The following NEBL variants were observed in gnomAD, a reference collection of about 807,000 sequenced individuals.
The protein encoded by NEBL is LIM and SH3 protein 2.
A neutral mutation model predicts 140.2 loss-of-function variants in NEBL; 122 were observed. The observed-to-expected ratio is 0.87, with a 90% CI of 0.75 to 1.01. NEBL has a LOEUF of 1.01. Ranked by LOEUF, NEBL falls within the 50% of genes least tolerant of loss-of-function variation. NEBL has a pLI of 0.00. For synonymous variants in NEBL, 436 were observed against 398.9 expected (o/e 1.09, Z -1.11); for missense variants, 1,365 against 1,231.3 (o/e 1.11, Z -1.62).
At chr10:20,854,223 T>A (rs1471535644) in intron 9 of NEBL, among the ~76,000 whole-genome samples, 1 of 152,022 alleles carries the variant, frequency 6.6e-6, no homozygotes, top group African/African-American at 2.4e-5. Flanking sequence ...CCAGTAAAAA[T>A]GGCAATAGAG....
At position 20,825,395 on chromosome 10, in the gene NEBL, G is replaced by A. The variant is rs117005614; in HGVS notation, c.1869+1052C>T. ...GTAACGGAAAGGCACAGTAGCTTAT[G>A]CCTGTAATCCCAGCACTTTGGGAGG... On this transcript the variant is annotated intron_variant, in intron 18 of 27. Transcript: ENST00000377122. Among the ~76,000 whole-genome samples the A allele has an allele frequency of 3.3e-3, 504 of 152,222 alleles. 17 individuals are homozygous for A. The East Asian group carries it at 0.085, about 26-fold the overall frequency.
chr10:21,043,175 A>C (rs1413968118), intron 2 of NEBL, among the ~76,000 whole-genome samples: 2 of 152,234 alleles, frequency 1.3e-5, no homozygotes, highest in Non-Finnish European at 2.9e-5. Context: ...ATATCCCAGC[A>C]ACAGCCTTTC....
chr10:21,015,443 C>T (rs539942516), intron 3 of NEBL, among the ~76,000 whole-genome samples: 22 of 152,004 alleles, frequency 1.4e-4, no homozygotes, highest in Admixed American at 1.3e-3. Flanking sequence ...CTACACAGCC[C>T]GAAAAAGGGA....
intron 2 of NEBL, among the ~76,000 whole-genome samples, chr10:21,074,183 C>T (rs1835952024): frequency 6.6e-6 from 1 of 152,226 alleles, no homozygotes; most frequent in Non-Finnish European, 1.5e-5. Flanking sequence ...CAGGACCTCT[C>T]CCCACCCTAG....
At chr10:20,843,850 T>TATTAAAA (rs1383251500) in intron 12 of NEBL, among the ~76,000 whole-genome samples, 5 of 152,118 alleles carry the variant, frequency 3.3e-5, no homozygotes, top group Admixed American at 6.6e-5. Context: ...AATCCTCTCT[T>TATTAAAA]CTAGCTTATT....
chr10:20,819,175 C>A, intron 20 of NEBL: 1 of 855,126 alleles, frequency 1.2e-6, no homozygotes, highest in Non-Finnish European at 1.6e-6. Flanking sequence ...GGCATTAAGC[C>A]CAGTACTCAA....
At chr10:21,047,485 AT>A (rs1834573660) in intron 2 of NEBL, among the ~76,000 whole-genome samples, 1 of 152,078 alleles carries the variant, frequency 6.6e-6, no homozygotes, top group East Asian at 1.9e-4. Context: ...TCCTAAACAC[AT>A]TTAATAATAG....
intron 2 of NEBL, chr10:21,112,680 A>G (rs186676309): frequency 4.6e-5 from 7 of 153,074 alleles, no homozygotes; most frequent in Non-Finnish European, 7.3e-5. Flanking sequence ...AACATGGCAC[A>G]TGTATACCTA....
intron 3 of NEBL, among the ~76,000 whole-genome samples, chr10:21,243,891 A>G (rs1564548879): frequency 4.0e-5 from 6 of 148,462 alleles, no homozygotes; most frequent in Admixed American, 3.4e-4. Flanking sequence ...AGAAAGAGAG[A>G]GAGAGAGGAA....
At chr10:21,080,270 T>A (rs1324288965) in intron 2 of NEBL, among the ~76,000 whole-genome samples, 1 of 152,260 alleles carries the variant, frequency 6.6e-6, no homozygotes, top group African/African-American at 2.4e-5. Context: ...ATATCCATAT[T>A]CTGTGATCTT....
intron 2 of NEBL, among the ~76,000 whole-genome samples, chr10:21,035,089 G>T (rs1316061682): frequency 6.6e-6 from 1 of 151,866 alleles, no homozygotes; most frequent in Non-Finnish European, 1.5e-5. Context: ...ACCTCCACCT[G>T]CCAGGCCCAA....
intron 2 of NEBL, among the ~76,000 whole-genome samples, chr10:21,165,074 T>A (rs1219828239): frequency 6.6e-6 from 1 of 152,194 alleles, no homozygotes; most frequent in Non-Finnish European, 1.5e-5. Context: ...CATTCACTAT[T>A]ATAAGTAAAA....
intron 4 of NEBL, among the ~76,000 whole-genome samples, chr10:20,916,977 T>C (rs1379076491): frequency 2.0e-5 from 3 of 152,210 alleles, no homozygotes; most frequent in African/African-American, 7.2e-5. Context: ...ATATAATTTA[T>C]AGTAAATATA....
intron 4 of NEBL, among the ~76,000 whole-genome samples, chr10:20,933,335 C>T (rs959189857): frequency 8.5e-5 from 13 of 152,314 alleles, no homozygotes; most frequent in African/African-American, 2.9e-4. Flanking sequence ...ACAAATATGA[C>T]TCCAAAGTTA....
intron 2 of NEBL, among the ~76,000 whole-genome samples, chr10:21,164,833 A>T (rs1337352776): frequency 6.6e-6 from 1 of 152,166 alleles, no homozygotes; most frequent in African/African-American, 2.4e-5. Context: ...TCCAATTATA[A>T]CCCAAAAAGA....
intron 3 of NEBL, among the ~76,000 whole-genome samples, chr10:21,233,024 A>G (rs562606428): frequency 4.6e-5 from 7 of 152,316 alleles, no homozygotes; most frequent in Admixed American, 2.0e-4. Context: ...AAGGAAAAAC[A>G]GGAATCAAGG....
intron 2 of NEBL, among the ~76,000 whole-genome samples, chr10:21,151,246 G>A (rs1840123622): frequency 6.6e-6 from 1 of 152,138 alleles, no homozygotes; most frequent in South Asian, 2.1e-4. Context: ...CCCTGCTTCA[G>A]TCAACAGTCA....
intron 2 of NEBL, among the ~76,000 whole-genome samples, chr10:21,070,212 T>A (rs1191317062): frequency 6.6e-6 from 1 of 152,208 alleles, no homozygotes; most frequent in South Asian, 2.1e-4. Flanking sequence ...GGATTGTTAA[T>A]GCCCTTGAGT....
intron 4 of NEBL, among the ~76,000 whole-genome samples, chr10:20,904,971 C>G (rs1848028408): frequency 6.6e-6 from 1 of 152,164 alleles, no homozygotes; most frequent in South Asian, 2.1e-4. Context: ...TATGAAAACA[C>G]AGCAATGTAA....
Sources: allele counts gnomAD v4.1 joint callset (sites outside exome capture counted in the v4.1 genomes callset), GRCh38; gene constraint gnomAD v4.1.1; transcripts MANE v1.5; gene names NCBI Gene and HGNC (gene_info 2026-07-23, HGNC 2026-07-21).